The following FRMD6 variants were observed in gnomAD, a reference collection of about 807,000 sequenced individuals.
FRMD6 encodes the protein FERM domain containing 6, also known as FERM domain-containing protein 6.
A neutral mutation model predicts 73.2 loss-of-function variants in FRMD6; 37 were observed. That is an observed-to-expected ratio of 0.51 (90% CI 0.39 to 0.66). The LOEUF is 0.66. FRMD6 is among the 30% of genes least tolerant of loss of function. The pLI, the probability that FRMD6 is intolerant of heterozygous loss-of-function variation, is 0.00. For missense variants in FRMD6, 714 were observed against 780.5 expected, an observed-to-expected ratio of 0.91 and a Z score of 1.02; for synonymous variants, 273 against 282.2, an observed-to-expected ratio of 0.97 and a Z score of 0.33.
At chr14:51,629,780 T>C (rs1249435214) in intron 2 of FRMD6, among the ~76,000 whole-genome samples, 2 of 152,360 alleles carry the variant, frequency 1.3e-5, no homozygotes, top group African/African-American at 2.4e-5. Context: ...TAGTTAGTGA[T>C]ATGTAACCTG....
chr14:51,661,701 T>C (rs1055466660), intron 1 of FRMD6, among the ~76,000 whole-genome samples: 4 of 152,210 alleles, frequency 2.6e-5, no homozygotes, highest in African/African-American at 9.7e-5. Flanking sequence ...GAGTTGCTCA[T>C]TGGATTTAGC....
the FRMD6 span, among the ~76,000 whole-genome samples, chr14:51,464,821 G>A: frequency 5.9e-5 from 9 of 152,168 alleles, no homozygotes; most frequent in African/African-American, 2.2e-4. Flanking sequence ...AATGCTGCCA[G>A]CCAGGTATAT....
At chr14:51,495,061 C>T (rs1883217082) in intron 1 of FRMD6, among the ~76,000 whole-genome samples, 2 of 152,194 alleles carry the variant, frequency 1.3e-5, no homozygotes, top group South Asian at 4.1e-4. Flanking sequence ...AGAAGCCAAA[C>T]CATACCTTCA....
At chr14:51,588,135 G>A (rs1287864729) in intron 2 of FRMD6, among the ~76,000 whole-genome samples, 1 of 151,954 alleles carries the variant, frequency 6.6e-6, no homozygotes, top group South Asian at 2.1e-4. Flanking sequence ...AAGTAATATA[G>A]ACATTTAAAA....
At chr14:51,609,600 G>A (rs1019653478) in intron 2 of FRMD6, among the ~76,000 whole-genome samples, 10 of 152,186 alleles carry the variant, frequency 6.6e-5, no homozygotes, top group African/African-American at 1.9e-4. Flanking sequence ...AGAAAGGCAT[G>A]CGTTCAATCA....
At chr14:51,635,174 G>A (rs1891503273) in intron 2 of FRMD6, among the ~76,000 whole-genome samples, 1 of 152,174 alleles carries the variant, frequency 6.6e-6, no homozygotes, top group African/African-American at 2.4e-5. Context: ...GTTGAGGCCA[G>A]GAGTTTGAGA....
chr14:51,475,054 A>G, the FRMD6 span, among the ~76,000 whole-genome samples: 1 of 152,200 alleles, frequency 6.6e-6, no homozygotes, highest in African/African-American at 2.4e-5. Context: ...CCCACTTCCA[A>G]TGCATAGATG....
At chr14:51,718,094 G>A (rs184823878) in intron 10 of FRMD6, among the ~76,000 whole-genome samples, 30 of 152,260 alleles carry the variant, frequency 2.0e-4, no homozygotes, top group African/African-American at 6.5e-4. Flanking sequence ...GGGGATGAGA[G>A]GTTGCATTTT....
chr14:51,703,373 CAA>C (rs1313733620), intron 5 of FRMD6, among the ~76,000 whole-genome samples: 2 of 151,960 alleles, frequency 1.3e-5, no homozygotes, highest in African/African-American at 4.8e-5. Context: ...GTGAAAGAAA[CAA>C]AATACATATG....
intron 1 of FRMD6, among the ~76,000 whole-genome samples, chr14:51,537,178 A>G (rs1415169832): frequency 1.3e-5 from 2 of 152,192 alleles, no homozygotes; most frequent in East Asian, 1.9e-4. Context: ...TGCTTTTCCT[A>G]TTCTTCCTTT....
At chr14:51,543,904 T>C (rs939338640) in intron 1 of FRMD6, among the ~76,000 whole-genome samples, 2 of 152,030 alleles carry the variant, frequency 1.3e-5, no homozygotes, top group Non-Finnish European at 2.9e-5. Context: ...ACTTTGGAAA[T>C]GAATTCGCAC....
At chr14:51,545,648 AGT>A (rs1423896915) in intron 1 of FRMD6, among the ~76,000 whole-genome samples, 1 of 152,090 alleles carries the variant, frequency 6.6e-6, no homozygotes, top group Non-Finnish European at 1.5e-5. Context: ...GGATAAAATG[AGT>A]TAGTTTATGT....
chr14:51,641,748 G>A lies in FRMD6; in HGVS notation c.-146-47943G>A, dbSNP rs76139013. On this transcript the variant is annotated intron_variant, in intron 2 of 14. Transcript: ENST00000356218. Reference sequence around the variant, plus strand: ...CCTTTCGATCAGTGGCTTTCAAGTCGGGGCAGCAATTCTTTGTTGTGAGGT... The same window carrying A: ...CCTTTCGATCAGTGGCTTTCAAGTCAGGGCAGCAATTCTTTGTTGTGAGGT... Among the ~76,000 whole-genome samples, 16 of 152,188 alleles carry A rather than the reference G, an allele frequency of 1.1e-4. No individual in the cohort carries two copies. In the East Asian group the frequency reaches 2.7e-3, roughly 26 times the overall value.
At chr14:51,710,972 C>G (rs1391449357) in intron 7 of FRMD6, among the ~76,000 whole-genome samples, 1 of 152,038 alleles carries the variant, frequency 6.6e-6, no homozygotes, top group Non-Finnish European at 1.5e-5. Context: ...TCCAAACTAT[C>G]TGAATACACC....
At chr14:51,561,388 C>T (rs895730544) in intron 1 of FRMD6, among the ~76,000 whole-genome samples, 4 of 152,170 alleles carry the variant, frequency 2.6e-5, no homozygotes, top group African/African-American at 9.7e-5. Flanking sequence ...AATGTCCCAT[C>T]AGCATTGGAA....
chr14:51,584,447 A>G (rs1307945789), intron 2 of FRMD6, among the ~76,000 whole-genome samples: 4 of 152,224 alleles, frequency 2.6e-5, no homozygotes, highest in Non-Finnish European at 4.4e-5. Context: ...GTTGCCTCCA[A>G]GCTGGCATAG....
intron 2 of FRMD6, among the ~76,000 whole-genome samples, chr14:51,600,442 T>C (rs41334646): frequency 0.1 from 15,595 of 152,180 alleles, 1,045 homozygotes; most frequent in East Asian, 0.18. Flanking sequence ...GACGTAGAAT[T>C]ACAATTACCA....
At chr14:51,652,060 C>G (rs1594659776) in intron 1 of FRMD6, 64 bp downstream of exon 1, 1 of 152,442 alleles carries the variant, frequency 6.6e-6, no homozygotes, top group Non-Finnish European at 1.5e-5. Flanking sequence ...CGCCGCGCCC[C>G]GGACGCCCGC....
chr14:51,580,023 T>C (rs1888625072), intron 2 of FRMD6, among the ~76,000 whole-genome samples: 1 of 152,166 alleles, frequency 6.6e-6, no homozygotes, highest in Non-Finnish European at 1.5e-5. Flanking sequence ...GATGTTTGAA[T>C]GGACTAGACT....
Sources: gnomAD v4.1 joint callset for allele counts (sites outside exome capture counted in the v4.1 genomes callset) on GRCh38, gnomAD v4.1.1 for gene constraint, MANE v1.5 for transcripts, NCBI Gene and HGNC (gene_info 2026-07-23, HGNC 2026-07-21) for gene names.